Variants in NELL1 observed in about 807,000 individuals in gnomAD.
NELL1 encodes the protein neural EGFL like 1, also known as protein kinase C-binding protein NELL1.
A neutral mutation model predicts 107.4 loss-of-function variants in NELL1; 76 were observed. The observed-to-expected ratio is 0.71, with a 90% CI of 0.59 to 0.86. The LOEUF (loss-of-function observed/expected upper bound fraction) is 0.86, where lower values mean the gene tolerates loss of function less well. Ranked by LOEUF, NELL1 falls within the 40% of genes least tolerant of loss-of-function variation. NELL1 has a pLI of 0.00. For synonymous variants in NELL1, 353 were observed against 341.2 expected (o/e 1.03, Z -0.38); for missense variants, 1,024 against 1,005.5 (o/e 1.02, Z -0.25).
intron 14 of NELL1, among the ~76,000 whole-genome samples, chr11:21,331,262 T>C (rs1159159061): frequency 1.3e-5 from 2 of 152,112 alleles, no homozygotes; most frequent in African/African-American, 2.4e-5. Flanking sequence ...GCATGAGTTA[T>C]ACTTTCCTGT....
intron 4 of NELL1, among the ~76,000 whole-genome samples, chr11:20,850,397 A>G (rs920689063): frequency 6.6e-6 from 1 of 152,246 alleles, no homozygotes; most frequent in Non-Finnish European, 1.5e-5. Context: ...ATGATGTTAG[A>G]TAACATTTGA....
chr11:21,424,564 T>C (rs1852773209), intron 15 of NELL1, among the ~76,000 whole-genome samples: 1 of 152,086 alleles, frequency 6.6e-6, no homozygotes. Context: ...GAGGTTGCAG[T>C]GAGCTGAGAC....
At chr11:20,947,866 T>C (rs1485994152) in intron 11 of NELL1, among the ~76,000 whole-genome samples, 1 of 152,146 alleles carries the variant, frequency 6.6e-6, no homozygotes, top group Non-Finnish European at 1.5e-5. Context: ...GAATGATGTA[T>C]GGTGAATCCT....
chr11:20,967,814 CAT>C (rs991820333), intron 12 of NELL1, among the ~76,000 whole-genome samples: 36 of 152,300 alleles, frequency 2.4e-4, no homozygotes, highest in African/African-American at 8.7e-4. Context: ...AAATTTGTCT[CAT>C]AGCTCCCATG....
chr11:21,307,161 C>A (rs145336298), intron 14 of NELL1, among the ~76,000 whole-genome samples: 2 of 151,992 alleles, frequency 1.3e-5, no homozygotes, highest in African/African-American at 2.4e-5. Context: ...CAGGGGACAC[C>A]GTTTTCCTCT....
intron 15 of NELL1, among the ~76,000 whole-genome samples, chr11:21,409,241 C>A (rs1852309161): frequency 6.6e-6 from 1 of 152,022 alleles, no homozygotes; most frequent in Non-Finnish European, 1.5e-5. Context: ...CCATGGAATA[C>A]TATATAGCCA....
intron 12 of NELL1, among the ~76,000 whole-genome samples, chr11:21,007,256 C>T (rs1036280490): frequency 2.4e-4 from 36 of 152,208 alleles, no homozygotes; most frequent in African/African-American, 8.7e-4. Flanking sequence ...TTTCTGAAAT[C>T]ACTAGAACCT....
intron 12 of NELL1, among the ~76,000 whole-genome samples, chr11:21,006,117 G>A (rs976710935): frequency 2.0e-5 from 3 of 152,054 alleles, no homozygotes; most frequent in Non-Finnish European, 4.4e-5. Context: ...ATCTGCTATG[G>A]TTTGAATGTG....
At chr11:20,874,997 C>T (rs1849275567) in intron 4 of NELL1, among the ~76,000 whole-genome samples, 1 of 152,172 alleles carries the variant, frequency 6.6e-6, no homozygotes, top group South Asian at 2.1e-4. Context: ...CTGATTCCTT[C>T]TGAAGTATGT....
At chr11:20,887,519 G>C (rs147587634) in intron 5 of NELL1, among the ~76,000 whole-genome samples, 2,272 of 152,276 alleles carry the variant, frequency 0.015, 36 homozygotes, top group Non-Finnish European at 0.024. Context: ...TGTGGGATGG[G>C]AGAAATTACT....
intron 2 of NELL1, among the ~76,000 whole-genome samples, chr11:20,685,935 A>G (rs1439312153): frequency 1.3e-5 from 2 of 152,084 alleles, no homozygotes; most frequent in Non-Finnish European, 2.9e-5. Flanking sequence ...AAATGGAAGT[A>G]TTTTGAGGCA....
At chr11:21,474,830 T>C (rs376105241) in intron 15 of NELL1, among the ~76,000 whole-genome samples, 1 of 152,314 alleles carries the variant, frequency 6.6e-6, no homozygotes, top group African/African-American at 2.4e-5. Flanking sequence ...ATAGTAATCA[T>C]TAATGCATAA....
chr11:20,836,631 T>TA (rs1848539230), intron 3 of NELL1, among the ~76,000 whole-genome samples: 1 of 148,762 alleles, frequency 6.7e-6, no homozygotes, highest in African/African-American at 2.4e-5. Context: ...CTTTTTTTTT[T>TA]ATGGCTGATC....
At chr11:21,069,075 CTCTTGTAATTTGGA>C (rs1422292203) in intron 12 of NELL1, among the ~76,000 whole-genome samples, 1 of 152,094 alleles carries the variant, frequency 6.6e-6, no homozygotes, top group African/African-American at 2.4e-5. Context: ...CTCCATTTGG[CTCTTGTAATTTGGA>C]TTTGAAAGTA....
chr11:21,277,607 T>C (rs1848897120), intron 14 of NELL1, among the ~76,000 whole-genome samples: 1 of 152,212 alleles, frequency 6.6e-6, no homozygotes, highest in African/African-American at 2.4e-5. Flanking sequence ...CATGTATGTT[T>C]ATTGCGGCAC....
At chr11:21,490,974 CTA>C (rs1490851813) in intron 15 of NELL1, among the ~76,000 whole-genome samples, 1 of 152,054 alleles carries the variant, frequency 6.6e-6, no homozygotes, top group African/African-American at 2.4e-5. Context: ...TGAAAAGCTT[CTA>C]TACAGCAAAA....
intron 5 of NELL1, among the ~76,000 whole-genome samples, chr11:20,894,175 T>G (rs1849676911): frequency 1.3e-5 from 2 of 152,200 alleles, no homozygotes; most frequent in South Asian, 4.1e-4. Flanking sequence ...TGACAAAGCT[T>G]ATAAAAGATA....
intron 13 of NELL1, among the ~76,000 whole-genome samples, chr11:21,180,894 AG>A (rs1590710305): frequency 6.6e-6 from 1 of 151,774 alleles, no homozygotes; most frequent in East Asian, 1.9e-4. Flanking sequence ...TTCTCTGCCT[AG>A]AAAACTACGT....
In NELL1 at chr11:20,984,559, T is replaced by C. The variant is rs572806199; in HGVS notation, c.1300+23999T>C. ...CCATCCTTCCAATCCCCACTTAGAA[T>C]AGAATAGGTTATGTTTCACAAATGT... On this transcript the variant is annotated intron_variant, in intron 12 of 19. Coordinates refer to ENST00000357134, the MANE Select transcript of NELL1 (RefSeq NM_006157.5). 6.6e-5 allele frequency among the ~76,000 whole-genome samples: 10 copies of C among 152,304 alleles called. No individual in the cohort carries two copies. In the South Asian group the frequency reaches 2.1e-3, roughly 32 times the overall value.
Sources: allele counts gnomAD v4.1 joint callset (sites outside exome capture counted in the v4.1 genomes callset), GRCh38; gene constraint gnomAD v4.1.1; transcripts MANE v1.5; gene names NCBI Gene and HGNC (gene_info 2026-07-23, HGNC 2026-07-21).